Variants in GABRB3 observed in about 807,000 individuals in gnomAD.
GABRB3 encodes the protein gamma-aminobutyric acid type A receptor subunit beta3.
A neutral mutation model predicts 52.1 loss-of-function variants in GABRB3; 14 were observed. The ratio of observed to expected loss-of-function variants is 0.27; its 90% CI spans 0.18 to 0.42. The LOEUF is 0.42. Ranked by LOEUF, GABRB3 falls within the 10% of genes least tolerant of loss-of-function variation. GABRB3 has a pLI of 1.00. For missense variants in GABRB3, 307 were observed against 609.1 expected (o/e 0.50, Z 5.22); for synonymous variants, 260 against 232.3 (o/e 1.12, Z -1.08).
At chr15:26,670,215 G>A (rs1887847760) in intron 3 of GABRB3, among the ~76,000 whole-genome samples, 1 of 152,214 alleles carries the variant, frequency 6.6e-6, no homozygotes, top group African/African-American at 2.4e-5. Flanking sequence ...GCGGCGAGCG[G>A]GAGGGAGGCC....
chr15:26,684,357 G>A (rs1394656248), intron 3 of GABRB3, among the ~76,000 whole-genome samples: 1 of 152,168 alleles, frequency 6.6e-6, no homozygotes, highest in Non-Finnish European at 1.5e-5. Flanking sequence ...GCTGAAGGCG[G>A]TCAATCTAGG....
chr15:26,739,854 A>T (rs1789287520), intron 3 of GABRB3, among the ~76,000 whole-genome samples: 1 of 152,210 alleles, frequency 6.6e-6, no homozygotes, highest in Non-Finnish European at 1.5e-5. Context: ...TTTATAAAAC[A>T]GAAAACAGGA....
chr15:26,605,664 GC>G (rs1426776019), intron 4 of GABRB3, among the ~76,000 whole-genome samples: 6 of 152,144 alleles, frequency 3.9e-5, no homozygotes, highest in Non-Finnish European at 7.3e-5. Flanking sequence ...ATTGAAATAA[GC>G]CAGGCATAGA....
intron 3 of GABRB3, among the ~76,000 whole-genome samples, chr15:26,695,615 T>A (rs1026437113): frequency 6.6e-6 from 1 of 151,598 alleles, no homozygotes; most frequent in African/African-American, 2.4e-5. Context: ...AGAAAAAAAA[T>A]TTACATAGGT....
At chr15:26,672,822 G>A (rs1244293451) in intron 3 of GABRB3, among the ~76,000 whole-genome samples, 3 of 152,098 alleles carry the variant, frequency 2.0e-5, no homozygotes. Flanking sequence ...AATATGTGAT[G>A]GAGGAAGAAT....
At chr15:26,719,838 A>G (rs1889596163) in intron 3 of GABRB3, among the ~76,000 whole-genome samples, 1 of 152,162 alleles carries the variant, frequency 6.6e-6, no homozygotes, top group Admixed American at 6.5e-5. Context: ...CATAACCCCA[A>G]ACCGGCGATT....
intron 4 of GABRB3, among the ~76,000 whole-genome samples, chr15:26,583,869 G>A (rs1215981660): frequency 6.6e-6 from 1 of 150,846 alleles, no homozygotes; most frequent in Admixed American, 6.6e-5. Flanking sequence ...CCAACTCCCA[G>A]GTTCACGCCG....
intron 3 of GABRB3, among the ~76,000 whole-genome samples, chr15:26,760,805 G>GCA (rs1555383013): frequency 5.7e-5 from 1 of 17,630 alleles, no homozygotes; most frequent in Non-Finnish European, 1.1e-4. Context: ...ACACACACGC[G>GCA]CACGCACACA....
chr15:26,756,659 A>G (rs956558888), intron 3 of GABRB3, among the ~76,000 whole-genome samples: 1 of 152,148 alleles, frequency 6.6e-6, no homozygotes, highest in African/African-American at 2.4e-5. Flanking sequence ...AAATATAAAA[A>G]TGTAATATCA....
intron 3 of GABRB3, among the ~76,000 whole-genome samples, chr15:26,730,783 T>A (rs73372124): frequency 6.6e-6 from 1 of 152,228 alleles, no homozygotes; most frequent in African/African-American, 2.4e-5. Context: ...TTGCTGGTTA[T>A]GCCATATCGC....
chr15:26,650,431 T>A (rs1204926671), intron 3 of GABRB3, among the ~76,000 whole-genome samples: 1 of 151,936 alleles, frequency 6.6e-6, no homozygotes, highest in Admixed American at 6.6e-5. Flanking sequence ...GAAGACCCAG[T>A]AGGGCCAAAA....
At chr15:26,578,358 C>T (rs565766975) in intron 6 of GABRB3, among the ~76,000 whole-genome samples, 1 of 152,190 alleles carries the variant, frequency 6.6e-6, no homozygotes, top group South Asian at 2.1e-4. Context: ...AAATGCAGGA[C>T]TCAGTATGTG....
intron 4 of GABRB3, among the ~76,000 whole-genome samples, chr15:26,588,668 T>C (rs1450703489): frequency 6.6e-6 from 1 of 152,232 alleles, no homozygotes; most frequent in Non-Finnish European, 1.5e-5. Context: ...TAGACAGAGA[T>C]ATAAATATTG....
At chr15:26,625,865 G>A (rs11630541) in intron 3 of GABRB3, among the ~76,000 whole-genome samples, 54,124 of 151,864 alleles carry the variant, frequency 0.36, 10,350 homozygotes, top group Middle Eastern at 0.47. Flanking sequence ...AGCAGCCCGC[G>A]TCCTCCACCA....
rs1008339910 is a variant in GABRB3, at chr15:26,547,600, A to G, written c.*193T>C. 1.3e-5 allele frequency: 8 copies of G among 614,490 alleles called. No homozygotes were observed. The highest frequency in any genetic ancestry group is 2.3e-5 in the Non-Finnish European group (8 of 346,280). 38.1% of individuals were successfully genotyped at this position (614,490 alleles called of 1,614,324 possible). A position where few individuals can be genotyped will look rare whatever the true frequency, so the allele number is the denominator to read the frequency against. ...CACTGACTCCTGTGTGTATAAACAT[A>G]TACACATACATCCTCATATACACGT... On this transcript the variant is annotated 3_prime_UTR_variant, in exon 9 of 9. Transcript: ENST00000311550.
At chr15:26,662,230 T>C (rs1887575130) in intron 3 of GABRB3, among the ~76,000 whole-genome samples, 1 of 152,242 alleles carries the variant, frequency 6.6e-6, no homozygotes, top group African/African-American at 2.4e-5. Flanking sequence ...TAGGCATTGC[T>C]GTTACCACAG....
Position 26,682,150 on chromosome 15 carries a change from TG to T in GABRB3, c.241-60617del, listed in dbSNP as rs143654400. On this transcript the variant is annotated intron_variant, in intron 3 of 8. Transcript: ENST00000311550. ...TGCTAATGTCTGACCGTCAGTTTCT[TG>T]CATTTCTCAACGGTGCCGCGAAGGC... Among the ~76,000 whole-genome samples, 1,103 of 152,264 alleles carry T rather than the reference TG, an allele frequency of 7.2e-3. 18 individuals carry two copies. The highest frequency in any genetic ancestry group is 0.026 in the African/African-American group (1,073 of 41,538).
Position 26,765,150 on chromosome 15 carries a change from A to C in GABRB3, c.240+7252T>G, listed in dbSNP as rs541511717. ...GACTCAAAAAAAAAAAAAAAAGTCA[A>C]AACTTCCCTATAATATACGAAAGCT... On this transcript the variant is annotated intron_variant, in intron 3 of 8. Transcript: ENST00000311550. 5.9e-4 allele frequency among the ~76,000 whole-genome samples: 75 copies of C among 127,182 alleles called. 1 individual carries two copies. The South Asian group carries it at 0.017, about 29-fold the overall frequency. The allele number at this position is 127,182 out of a possible 152,430, so 83.4% of individuals were successfully genotyped here. A position where few individuals can be genotyped will look rare whatever the true frequency, so the allele number is the denominator to read the frequency against.
intron 3 of GABRB3, among the ~76,000 whole-genome samples, chr15:26,630,467 A>G (rs1670222641): frequency 6.6e-6 from 1 of 152,240 alleles, no homozygotes; most frequent in African/African-American, 2.4e-5. Flanking sequence ...GGTTTGAACT[A>G]TTACAGTTTA....
Sources: gnomAD v4.1 joint callset for allele counts (sites outside exome capture counted in the v4.1 genomes callset) on GRCh38, gnomAD v4.1.1 for gene constraint, MANE v1.5 for transcripts, NCBI Gene and HGNC (gene_info 2026-07-23, HGNC 2026-07-21) for gene names.